Variants in SLC5A10 observed in about 807,000 individuals in gnomAD.
The protein encoded by SLC5A10 is solute carrier family 5 member 10.
In SLC5A10, 55 loss-of-function variants were observed where a neutral mutation model predicts 68.9. The observed-to-expected ratio is 0.80, with a 90% CI of 0.64 to 1.00. The LOEUF (loss-of-function observed/expected upper bound fraction) is 1.00. Among genes scored for constraint, SLC5A10 ranks in the 50% least tolerant of loss-of-function variants. SLC5A10 has a pLI of 0.00. For missense variants in SLC5A10, 732 were observed against 819.3 expected, an observed-to-expected ratio of 0.89 and a Z score of 1.30; for synonymous variants, 344 against 344.8, an observed-to-expected ratio of 1.00 and a Z score of 0.02.
chr17:19,017,207 C>A lies in SLC5A10; in HGVS notation c.1241+2008C>A. The stretch of plus-strand genomic sequence containing the variant: ...CCTCTCTGGGCCCCAGTTCTCTCAG[C>A]TGCCAGCTGGATAGAGCAGAAAGGG... On this transcript the variant is annotated intron_variant, in intron 11 of 14. Transcript: ENST00000395645. The surrounding 1 kb of genome is among the most constrained non-coding windows in gnomAD (Gnocchi z 5.6). 7.5e-7 allele frequency: 1 copy of A among 1,337,992 alleles called. No homozygotes were observed. Among genetic ancestry groups the A allele is most frequent in the Non-Finnish European group, 1.0e-6 (1 of 958,584 alleles). 82.9% of individuals were successfully genotyped at this position (1,337,992 alleles called of 1,614,324 possible). A position where few individuals can be genotyped will look rare whatever the true frequency, so the allele number is the denominator to read the frequency against.
At chr17:18,963,696 G>A (rs1416577008) in intron 5 of SLC5A10, among the ~76,000 whole-genome samples, 2 of 152,208 alleles carry the variant, frequency 1.3e-5, no homozygotes. Flanking sequence ...GAGATCTTAG[G>A]GTGCCTGCTG....
At chr17:19,012,508 T>A (rs1309740003) in intron 9 of SLC5A10, among the ~76,000 whole-genome samples, 1 of 152,114 alleles carries the variant, frequency 6.6e-6, no homozygotes, top group Non-Finnish European at 1.5e-5. Flanking sequence ...CAAATAAACA[T>A]GTCCAAGTCC....
In SLC5A10 at chr17:19,019,814, G is replaced by T. The variant is rs781332076; in HGVS notation, c.1512G>T (p.Arg504=). 2 of 1,613,314 alleles carry T rather than the reference G, an allele frequency of 1.2e-6. No homozygotes were observed. Among genetic ancestry groups the T allele is most frequent in the African/African-American group, 2.7e-5 (2 of 75,042 alleles). The change falls in exon 13 of 15, where the codon CGG becomes CGT. Residue 504 remains arginine, a synonymous_variant. Transcript: ENST00000395645. The part of the protein sequence containing the change: ...PAPPCGEPDT[R]PAVLGSIHYL... ...CACCGTGCGGAGAGCCAGACACGCG[G>T]CCAGCCGTCCTGGGGAGCATCCACT...
chr17:18,986,510 G>A (rs898660261), intron 9 of SLC5A10, among the ~76,000 whole-genome samples: 1 of 152,170 alleles, frequency 6.6e-6, no homozygotes, highest in African/African-American at 2.4e-5. Flanking sequence ...CATCTGTCTT[G>A]TGGGAGCCTC....
intron 5 of SLC5A10, among the ~76,000 whole-genome samples, chr17:18,963,423 C>T (rs557191221): frequency 3.3e-5 from 5 of 152,218 alleles, no homozygotes; most frequent in Admixed American, 2.6e-4. Flanking sequence ...TTCAGTTTAC[C>T]CAACTATAAA....
chr17:18,988,391 C>G lies in SLC5A10; in HGVS notation c.982+11402C>G. On this transcript the variant is annotated intron_variant, in intron 9 of 14. Transcript: ENST00000395645. ...CCTTGAAGATGTCCACGTCGGTGAACATGTCCATGACCACAGCTATCACCT... is the reference window on the plus strand; with the variant it reads ...CCTTGAAGATGTCCACGTCGGTGAAGATGTCCATGACCACAGCTATCACCT... 5 of 1,614,192 alleles carry G rather than the reference C, an allele frequency of 3.1e-6. No homozygotes were observed. The highest frequency in any genetic ancestry group is 4.2e-6 in the Non-Finnish European group (5 of 1,180,032).
chr17:18,975,597 G>A (rs1015621310), intron 8 of SLC5A10: 1 of 152,202 alleles, frequency 6.6e-6, no homozygotes, highest in Non-Finnish European at 1.5e-5. Context: ...GGGAGGCTGA[G>A]GCAGGAGAAT....
intron 5 of SLC5A10, among the ~76,000 whole-genome samples, chr17:18,967,907 G>T (rs1458503694): frequency 7.6e-6 from 1 of 131,222 alleles, no homozygotes; most frequent in Non-Finnish European, 1.5e-5. Flanking sequence ...TGAACTACCT[G>T]CCCTTCCTAT....
chr17:18,995,229 A>G (rs1215570117), intron 9 of SLC5A10, among the ~76,000 whole-genome samples: 1 of 152,254 alleles, frequency 6.6e-6, no homozygotes, highest in East Asian at 1.9e-4. Flanking sequence ...AGATAAAGAC[A>G]TAAAAACAGT....
Position 19,003,895 on chromosome 17 carries a change from C to T in SLC5A10, c.983-9515C>T. 1 of 1,613,034 alleles carries T rather than the reference C, an allele frequency of 6.2e-7. No homozygotes were observed. The highest frequency in any genetic ancestry group is 8.5e-7 in the Non-Finnish European group (1 of 1,179,936). Reference sequence around the variant, plus strand: ...AGTCTCGGATGTTCTCCCGCTTGAGCACCTCGTAGAAGGCGTCCCGGCCGC... The same window carrying T: ...AGTCTCGGATGTTCTCCCGCTTGAGTACCTCGTAGAAGGCGTCCCGGCCGC... On this transcript the variant is annotated intron_variant, in intron 9 of 14. Transcript: ENST00000395645. The surrounding 1 kb of genome is among the most constrained non-coding windows in gnomAD (Gnocchi z 4.5).
At position 19,004,388 on chromosome 17, in the gene SLC5A10, C is replaced by A; in HGVS notation, c.983-9022C>A. 4.4e-6 allele frequency: 1 copy of A among 225,592 alleles called. No individual in the cohort carries two copies. Among genetic ancestry groups the A allele is most frequent in the South Asian group, 1.1e-4 (1 of 9,276 alleles). The allele number at this position is 225,592 out of a possible 1,614,324, so 14.0% of individuals were successfully genotyped here. The stretch of plus-strand genomic sequence containing the variant: ...GGGCCACGTCCCAGGGCTCAGCGTG[C>A]CTCTACGTGCAGGGAACCCATATCC... On this transcript the variant is annotated intron_variant, in intron 9 of 14. Transcript: ENST00000395645. This position sits in a 1 kb window ranked among gnomAD's most constrained non-coding sequence, Gnocchi z 5.4.
intron 9 of SLC5A10, chr17:18,978,341 C>G (rs1386165506): frequency 6.2e-7 from 1 of 1,603,734 alleles, no homozygotes; most frequent in South Asian, 1.1e-5. Flanking sequence ...GTTCATCTGG[C>G]TGGGCTGGGG....
chr17:18,966,758 A>AAG (rs1355336023), intron 5 of SLC5A10, among the ~76,000 whole-genome samples: 1 of 151,080 alleles, frequency 6.6e-6, no homozygotes, highest in East Asian at 1.9e-4. Context: ...TCAAAAAAAA[A>AAG]AAAAAAAACA....
rs143168898 is a variant in SLC5A10 at position 19,006,997 on chromosome 17, T to A, written c.983-6413T>A. ...CAAATAACCTTGTTATGAGCATTCA[T>A]ACACATATGTATATAAACATCAGGT... On this transcript the variant is annotated intron_variant, in intron 9 of 14. Transcript: ENST00000395645. 1.2e-4 allele frequency among the ~76,000 whole-genome samples: 18 copies of A among 152,342 alleles called. No individual in the cohort carries two copies. The East Asian group carries it at 3.1e-3, about 26-fold the overall frequency.
intron 5 of SLC5A10, among the ~76,000 whole-genome samples, chr17:18,962,335 G>C (rs1323782615): frequency 6.6e-6 from 1 of 152,188 alleles, no homozygotes; most frequent in Non-Finnish European, 1.5e-5. Context: ...CAAAGAGAGA[G>C]GTGGGAAGAG....
chr17:18,973,162 C>A (rs2042897687), intron 8 of SLC5A10, among the ~76,000 whole-genome samples: 1 of 152,226 alleles, frequency 6.6e-6, no homozygotes, highest in African/African-American at 2.4e-5. Flanking sequence ...CAAGTGGTAC[C>A]CTGCCAGGCT....
chr17:19,004,246 G>A lies in SLC5A10; in HGVS notation c.983-9164G>A. Reference sequence around the variant, plus strand: ...GGGAGGGGCGGCGGGGGCGGGGCCGGGAACTCAGGTGGGCGTGGGAAGGAC... The same window carrying A: ...GGGAGGGGCGGCGGGGGCGGGGCCGAGAACTCAGGTGGGCGTGGGAAGGAC... On this transcript the variant is annotated intron_variant, in intron 9 of 14. Coordinates refer to ENST00000395645, the MANE Select transcript of SLC5A10 (RefSeq NM_001042450.4). The surrounding 1 kb of genome is among the most constrained non-coding windows in gnomAD (Gnocchi z 5.4). 1.9e-6 allele frequency: 1 copy of A among 540,152 alleles called. No individual in the cohort carries two copies. The highest frequency in any genetic ancestry group is 3.2e-6 in the Non-Finnish European group (1 of 308,824). 33.5% of individuals were successfully genotyped at this position (540,152 alleles called of 1,614,324 possible). A position where few individuals can be genotyped will look rare whatever the true frequency, so the allele number is the denominator to read the frequency against.
chr17:18,971,236 C>T lies in SLC5A10; in HGVS notation c.846+18C>T, dbSNP rs1459955817. 6.2e-7 allele frequency: 1 copy of T among 1,613,070 alleles called. No individual in the cohort carries two copies. The highest frequency in any genetic ancestry group is 2.2e-5 in the East Asian group (1 of 44,854). On this transcript the variant is annotated intron_variant, in intron 8 of 14. Coordinates refer to ENST00000395645, the MANE Select transcript of SLC5A10 (RefSeq NM_001042450.4). This position sits in a 1 kb window ranked among gnomAD's most constrained non-coding sequence, Gnocchi z 5.5. ...CCGACCAGGTGAGTGCCAACGTCTC[C>T]CGCCCATCCCACCTTCCTGCCGTCC... is the stretch of plus-strand genomic sequence containing the variant.
At chr17:18,964,864 C>T (rs372082528) in intron 5 of SLC5A10, among the ~76,000 whole-genome samples, 48 of 152,250 alleles carry the variant, frequency 3.2e-4, no homozygotes, top group African/African-American at 1.1e-3. Context: ...AGAACCTGAC[C>T]GGGTGCAGTG....
Sources: gnomAD v4.1 joint callset for allele counts (sites outside exome capture counted in the v4.1 genomes callset) on GRCh38, gnomAD v4.1.1 for gene constraint, Gnocchi (gnomAD v3.1) non-coding constraint, MANE v1.5 for transcripts, NCBI Gene and HGNC (gene_info 2026-07-23, HGNC 2026-07-21) for gene names.